YPEL2: variants seen among roughly 807,000 people sequenced by gnomAD.
YPEL2 encodes the protein yippee like 2.
In YPEL2, 2 loss-of-function variants were observed where a neutral mutation model predicts 19.1. The ratio of observed to expected loss-of-function variants is 0.10; its 90% CI spans 0.04 to 0.33. The LOEUF (loss-of-function observed/expected upper bound fraction) is 0.33. Ranked by LOEUF, YPEL2 falls within the 10% of genes least tolerant of loss-of-function variation. The pLI is 1.00. For missense variants in YPEL2, 66 were observed against 140.7 expected, an observed-to-expected ratio of 0.47 and a Z score of 2.68; for synonymous variants, 52 against 50.0, an observed-to-expected ratio of 1.04 and a Z score of -0.17.
intron 2 of YPEL2, among the ~76,000 whole-genome samples, chr17:59,386,938 C>T (rs1033620525): frequency 6.6e-6 from 1 of 152,152 alleles, no homozygotes; most frequent in African/African-American, 2.4e-5. Flanking sequence ...AACAATCCAG[C>T]TGCCCCAGAG....
intron 2 of YPEL2, among the ~76,000 whole-genome samples, chr17:59,386,086 G>A (rs1000349839): frequency 1.3e-5 from 2 of 152,162 alleles, no homozygotes; most frequent in Non-Finnish European, 2.9e-5. Flanking sequence ...ACTTTGGAAA[G>A]CTGAGGCAGG....
intron 1 of YPEL2, among the ~76,000 whole-genome samples, chr17:59,336,442 C>T (rs540600625): frequency 1.6e-4 from 24 of 152,248 alleles, no homozygotes; most frequent in African/African-American, 5.5e-4. Flanking sequence ...TCATTAATAC[C>T]AGGAGGCACT....
intron 2 of YPEL2, among the ~76,000 whole-genome samples, chr17:59,386,247 A>C (rs569814451): frequency 6.6e-6 from 1 of 151,474 alleles, no homozygotes; most frequent in South Asian, 2.1e-4. Context: ...GGATCGCTTG[A>C]GCCCAGAAGG....
At chr17:59,361,957 G>T (rs2047843220) in intron 2 of YPEL2, among the ~76,000 whole-genome samples, 1 of 152,302 alleles carries the variant, frequency 6.6e-6, no homozygotes, top group Non-Finnish European at 1.5e-5. Flanking sequence ...GCCGTTCTTT[G>T]GGGTAGAGGT....
intron 2 of YPEL2, among the ~76,000 whole-genome samples, chr17:59,373,826 A>G (rs1229684245): frequency 6.6e-6 from 1 of 152,238 alleles, no homozygotes; most frequent in African/African-American, 2.4e-5. Context: ...GCGTTGGCCA[A>G]GAAAGATTGA....
intron 1 of YPEL2, among the ~76,000 whole-genome samples, chr17:59,347,876 C>T (rs2047764680): frequency 6.6e-6 from 1 of 152,140 alleles, no homozygotes; most frequent in African/African-American, 2.4e-5. Flanking sequence ...TCCCAAAGGA[C>T]CCCAAACTCC....
intron 2 of YPEL2, among the ~76,000 whole-genome samples, chr17:59,374,315 G>A (rs2047910123): frequency 6.6e-6 from 1 of 152,180 alleles, no homozygotes; most frequent in Non-Finnish European, 1.5e-5. Flanking sequence ...ATATGCCCAT[G>A]TCTCTTTCAT....
Position 59,353,947 on chromosome 17 carries a change from TTG to T in YPEL2, c.117+424_117+425del. On this transcript the variant is annotated intron_variant, in intron 2 of 4. Coordinates refer to ENST00000312655, the MANE Select transcript of YPEL2 (RefSeq NM_001005404.4). This position sits in a 1 kb window ranked among gnomAD's most constrained non-coding sequence, Gnocchi z 4.8. ...GCAAGATGAGAGAGCCACCAGGAAGTTGTGAGACTGTGGAATTACTAAAATGG... is the reference window on the plus strand; with the variant it reads ...GCAAGATGAGAGAGCCACCAGGAAGTTGAGACTGTGGAATTACTAAAATGG... 1 of 289,842 alleles carries T rather than the reference TTG, an allele frequency of 3.5e-6. No individual in the cohort carries two copies. 18.0% of individuals were successfully genotyped at this position (289,842 alleles called of 1,614,324 possible).
chr17:59,349,906 G>T (rs1041665433), intron 1 of YPEL2, among the ~76,000 whole-genome samples: 2 of 151,974 alleles, frequency 1.3e-5, no homozygotes, highest in African/African-American at 2.4e-5. Flanking sequence ...TGATCCGCCC[G>T]CCTCAGCCTC....
In YPEL2 at chr17:59,397,175, C is replaced by A. The variant is rs1170524266; in HGVS notation, c.345C>A (p.Asp115Glu). Reference protein sequence around the residue: ...YIIELAHMIKDNGWD With the variant: ...YIIELAHMIKENGWD The stretch of plus-strand genomic sequence containing the variant: ...TTGAACTAGCACACATGATCAAGGA[C>A]AATGGCTGGGACTGATTGGACAGCA... The change falls in exon 5 of 5, where the codon GAC becomes GAA. Residue 115 changes from aspartate (D) to glutamate (E), a missense_variant. Physicochemically the swap from Asp to Glu is conservative, Grantham distance 45 (BLOSUM62 2). Coordinates refer to ENST00000312655, the MANE Select transcript of YPEL2 (RefSeq NM_001005404.4). The A allele has an allele frequency of 6.2e-7, 1 of 1,611,802 alleles. No homozygotes were observed. Among genetic ancestry groups the A allele is most frequent in the Non-Finnish European group, 8.5e-7 (1 of 1,179,038 alleles).
intron 1 of YPEL2, among the ~76,000 whole-genome samples, chr17:59,332,034 A>G (rs1479361664): frequency 6.6e-6 from 1 of 151,656 alleles, no homozygotes; most frequent in Non-Finnish European, 1.5e-5. Context: ...GTTTGTTTAC[A>G]AACACTGCCG....
chr17:59,372,181 C>T (rs2047900304), intron 2 of YPEL2, among the ~76,000 whole-genome samples: 1 of 152,158 alleles, frequency 6.6e-6, no homozygotes, highest in Non-Finnish European at 1.5e-5. Flanking sequence ...AAAATGTGTA[C>T]AGAAAGGTAG....
intron 4 of YPEL2, among the ~76,000 whole-genome samples, chr17:59,395,975 G>A (rs986994865): frequency 6.6e-6 from 1 of 152,088 alleles, no homozygotes; most frequent in Non-Finnish European, 1.5e-5. Context: ...CAGCTACTCG[G>A]GAGGCTGAGG....
At chr17:59,340,808 G>A (rs1391036070) in intron 1 of YPEL2, among the ~76,000 whole-genome samples, 1 of 150,082 alleles carries the variant, frequency 6.7e-6, no homozygotes, top group African/African-American at 2.5e-5. Flanking sequence ...TCAGCCTCCT[G>A]GGTTTAAGTG....
chr17:59,384,163 C>T (rs1165389821), intron 2 of YPEL2, among the ~76,000 whole-genome samples: 1 of 152,178 alleles, frequency 6.6e-6, no homozygotes, highest in East Asian at 1.9e-4. Context: ...TGGACTGATT[C>T]TGATGAAGTT....
chr17:59,378,842 A>G (rs1303013415), intron 2 of YPEL2, among the ~76,000 whole-genome samples: 3 of 152,186 alleles, frequency 2.0e-5, no homozygotes, highest in Admixed American at 1.3e-4. Flanking sequence ...AGACTACCAT[A>G]GCTCAAATCC....
chr17:59,368,374 C>T (rs2047881052), intron 2 of YPEL2, among the ~76,000 whole-genome samples: 1 of 152,150 alleles, frequency 6.6e-6, no homozygotes, highest in Admixed American at 6.5e-5. Context: ...GTGAACCGTG[C>T]ACTTGCCTGG....
rs1239466053 is a variant in YPEL2, at chr17:59,353,389, A to G, written c.-21A>G. On this transcript the variant is annotated 5_prime_UTR_variant, in exon 2 of 5. Transcript: ENST00000312655. The surrounding 1 kb of genome is among the most constrained non-coding windows in gnomAD (Gnocchi z 4.8). ...TGCCTCGTGGGCTGCCCCAGAGTTCACCCCACACTCAGCAGCACCAATGGT... is the reference window on the plus strand; with the variant it reads ...TGCCTCGTGGGCTGCCCCAGAGTTCGCCCCACACTCAGCAGCACCAATGGT... The G allele has an allele frequency of 6.5e-7, 1 of 1,544,856 alleles. No homozygotes were observed. The highest frequency in any genetic ancestry group is 2.3e-5 in the East Asian group (1 of 44,400).
At chr17:59,365,890 TCCCTC>T (rs2047866299) in intron 2 of YPEL2, among the ~76,000 whole-genome samples, 1 of 151,746 alleles carries the variant, frequency 6.6e-6, no homozygotes. Context: ...GTCCATAAAC[TCCCTC>T]CCCTCCAGAC....
Sources: allele counts gnomAD v4.1 joint callset (sites outside exome capture counted in the v4.1 genomes callset), GRCh38; gene constraint gnomAD v4.1.1; non-coding constraint Gnocchi (gnomAD v3.1); transcripts MANE v1.5; gene names NCBI Gene and HGNC (gene_info 2026-07-23, HGNC 2026-07-21).